Variants in ZNF462 observed in about 807,000 individuals in gnomAD.
ZNF462 encodes the protein zinc finger PBX1-interacting protein.
In ZNF462, 10 loss-of-function variants were observed where a neutral mutation model predicts 201.9. The ratio of observed to expected loss-of-function variants is 0.05; its 90% CI spans 0.03 to 0.08. The LOEUF (loss-of-function observed/expected upper bound fraction) is 0.08. Ranked by LOEUF, ZNF462 falls within the 10% of genes least tolerant of loss-of-function variation. The pLI is 1.00. For synonymous variants in ZNF462, 1,227 were observed against 1,193.3 expected (o/e 1.03, Z -0.58); for missense variants, 2,523 against 3,168.3 (o/e 0.80, Z 4.89).
rs769883617 is a variant in ZNF462 at position 106,935,558 on chromosome 9, C to T, written c.6172C>T (p.Leu2058Phe). The T allele has an allele frequency of 2.5e-6, 4 of 1,614,102 alleles. No homozygotes were observed. The African/African-American group carries it at 4.0e-5, about 16-fold the overall frequency. Residue 2058 changes from leucine (L) to phenylalanine (F), a missense_variant, in exon 6 of 13, where the codon CTC becomes TTC. Transcript: ENST00000277225. This position sits in a 1 kb window ranked among gnomAD's most constrained non-coding sequence, Gnocchi z 4.1. The part of the protein sequence containing the change: ...HGHHKPFRCK[L>F]CSFKSSYNSR... ...ACACCATAAACCATTCCGATGCAAA[C>T]TCTGCTCCTTCAAGTCCTCCTATAA...
chr9:106,943,617 T>C (rs868561052), intron 7 of ZNF462, among the ~76,000 whole-genome samples: 1 of 152,228 alleles, frequency 6.6e-6, no homozygotes, highest in Admixed American at 6.5e-5. Flanking sequence ...CCTTTAAGGA[T>C]TGATTTTCAC....
intron 1 of ZNF462, among the ~76,000 whole-genome samples, chr9:106,899,000 T>TA (rs1030018130): frequency 1.3e-4 from 20 of 152,134 alleles, no homozygotes; most frequent in African/African-American, 4.6e-4. Context: ...TTATGTTCCT[T>TA]ATCCAGATTA....
At position 106,952,207 on chromosome 9, in the gene ZNF462, A is replaced by G. The variant is rs1831382323; in HGVS notation, c.6427+13100A>G. ...CTGTCTAGCTCCCTATCACACATGCATGTCCTTAGTTAAAGCATTTACCCT... is the reference window on the plus strand; with the variant it reads ...CTGTCTAGCTCCCTATCACACATGCGTGTCCTTAGTTAAAGCATTTACCCT... On this transcript the variant is annotated intron_variant, in intron 7 of 12. Coordinates refer to ENST00000277225, the MANE Select transcript of ZNF462 (RefSeq NM_021224.6). 2.0e-5 allele frequency among the ~76,000 whole-genome samples: 3 copies of G among 152,102 alleles called. No homozygotes were observed. The South Asian group carries it at 6.2e-4, about 31-fold the overall frequency.
rs1032418953 is a variant in ZNF462, at chr9:107,008,084, A to C, written c.7190-1461A>C. ...AAGCTCAGGGAAGATTTGAAAGAGA[A>C]GAATCCAGGCATGAAGAAATCAAAA... On this transcript the variant is annotated intron_variant, in intron 11 of 12. Transcript: ENST00000277225. The surrounding 1 kb of genome is among the most constrained non-coding windows in gnomAD (Gnocchi z 4.8). Among the ~76,000 whole-genome samples, 6 of 152,226 alleles carry C rather than the reference A, an allele frequency of 3.9e-5. No homozygotes were observed. The highest frequency in any genetic ancestry group is 1.2e-4 in the African/African-American group (5 of 41,528).
intron 1 of ZNF462, among the ~76,000 whole-genome samples, chr9:106,903,304 T>G (rs959393975): frequency 2.6e-5 from 4 of 152,204 alleles, no homozygotes; most frequent in Admixed American, 6.5e-5. Flanking sequence ...TTAAAATAAT[T>G]TTAATTTTCT....
At chr9:106,994,697 GA>G (rs1828564313) in intron 10 of ZNF462, among the ~76,000 whole-genome samples, 1 of 152,132 alleles carries the variant, frequency 6.6e-6, no homozygotes, top group Admixed American at 6.6e-5. Flanking sequence ...AGAGAAACCA[GA>G]ATTAGATGAG....
chr9:106,961,253 G>C (rs1432058768), intron 7 of ZNF462, among the ~76,000 whole-genome samples: 1 of 152,082 alleles, frequency 6.6e-6, no homozygotes, highest in Non-Finnish European at 1.5e-5. Context: ...CATGTGTTTT[G>C]AGTTTTGGCT....
intron 6 of ZNF462, among the ~76,000 whole-genome samples, chr9:106,937,435 A>G (rs1830678535): frequency 6.6e-6 from 1 of 152,272 alleles, no homozygotes; most frequent in African/African-American, 2.4e-5. Flanking sequence ...CTTACTTTTA[A>G]TCCTTAGACC....
In ZNF462 at chr9:106,927,204, T is replaced by TA; in HGVS notation, c.3292_3293insA (p.Ser1098TyrfsTer15). ...GTCTCCCAAAATGTCCAACATGGGT[T>TA]CCCCACCCCCCCCACAACCCCCGCC... On this transcript the variant is annotated frameshift_variant, in exon 3 of 13. Coordinates refer to ENST00000277225, the MANE Select transcript of ZNF462 (RefSeq NM_021224.6). LOFTEE classifies it high-confidence loss of function. 1 of 1,570,640 alleles carries TA rather than the reference T, an allele frequency of 6.4e-7. No homozygotes were observed. Among genetic ancestry groups the TA allele is most frequent in the Non-Finnish European group, 8.7e-7 (1 of 1,149,988 alleles).
rs1830447996 is a variant in ZNF462 at position 106,932,075 on chromosome 9, T to A, written c.6013-371T>A. 6.6e-6 allele frequency among the ~76,000 whole-genome samples: 1 copy of A among 152,138 alleles called. No homozygotes were observed. Among genetic ancestry groups the A allele is most frequent in the Non-Finnish European group, 1.5e-5 (1 of 68,004 alleles). ...CCGGGTATGTTGTCCTAAAATCACC[T>A]CCACTGCATGAAGAATGGCAGTTGG... On this transcript the variant is annotated intron_variant, in intron 4 of 12. Coordinates refer to ENST00000277225, the MANE Select transcript of ZNF462 (RefSeq NM_021224.6). The surrounding 1 kb of genome is among the most constrained non-coding windows in gnomAD (Gnocchi z 6.8).
chr9:106,968,139 A>T lies in ZNF462; in HGVS notation c.6428-3866A>T, dbSNP rs1489105524. On this transcript the variant is annotated intron_variant, in intron 7 of 12. Coordinates refer to ENST00000277225, the MANE Select transcript of ZNF462 (RefSeq NM_021224.6). The surrounding 1 kb of genome is among the most constrained non-coding windows in gnomAD (Gnocchi z 4.0). Reference sequence around the variant, plus strand: ...ACCATTGAGAACAGATGCCTAAGACACAAGACTCAGACTTTATAATCAGAC... The same window carrying T: ...ACCATTGAGAACAGATGCCTAAGACTCAAGACTCAGACTTTATAATCAGAC... 6.6e-6 allele frequency among the ~76,000 whole-genome samples: 1 copy of T among 152,162 alleles called. No homozygotes were observed. The highest frequency in any genetic ancestry group is 1.5e-5 in the Non-Finnish European group (1 of 68,028).
At position 106,972,952 on chromosome 9, in the gene ZNF462, T is replaced by A. The variant is rs140532115; in HGVS notation, c.6695+680T>A. Among the ~76,000 whole-genome samples, 470 of 152,286 alleles carry A rather than the reference T, an allele frequency of 3.1e-3. 2 individuals carry two copies. The highest frequency in any genetic ancestry group is 0.011 in the African/African-American group (443 of 41,548). ...GCGTTTAGGTTAGTGGTTACAAGTG[T>A]AGAGTGTGGAGCCTGACTACCTGGG... On this transcript the variant is annotated intron_variant, in intron 8 of 12. Transcript: ENST00000277225. The surrounding 1 kb of genome is among the most constrained non-coding windows in gnomAD (Gnocchi z 4.8).
intron 7 of ZNF462, among the ~76,000 whole-genome samples, chr9:106,961,243 C>T (rs974774228): frequency 6.6e-6 from 1 of 152,030 alleles, no homozygotes; most frequent in African/African-American, 2.4e-5. Context: ...GTGCTGATAG[C>T]ATGTGTTTTG....
chr9:106,967,144 T>G (rs1832111358), intron 7 of ZNF462, among the ~76,000 whole-genome samples: 1 of 152,144 alleles, frequency 6.6e-6, no homozygotes, highest in Admixed American at 6.5e-5. Context: ...TTTTATTCCT[T>G]CAATCAGTGG....
rs920622333 is a variant in ZNF462 at position 106,920,114 on chromosome 9, TGAA to T, written c.-30-3234_-30-3232del. Among the ~76,000 whole-genome samples the T allele has an allele frequency of 6.6e-6, 1 of 152,050 alleles. No homozygotes were observed. Among genetic ancestry groups the T allele is most frequent in the Non-Finnish European group, 1.5e-5 (1 of 67,996 alleles). On this transcript the variant is annotated intron_variant, in intron 1 of 12. Transcript: ENST00000277225. The surrounding 1 kb of genome is among the most constrained non-coding windows in gnomAD (Gnocchi z 4.3). Reference sequence around the variant, plus strand: ...TAGGGTTGCTGCTCTTCGGGATTGATGAAGAAGATATGCAGAGCTTATTTCTCA... The same window carrying T: ...TAGGGTTGCTGCTCTTCGGGATTGATGAAGATATGCAGAGCTTATTTCTCA...
rs765999221 is a variant in ZNF462, at chr9:106,932,172, G to A, written c.6013-274G>A. On this transcript the variant is annotated intron_variant, in intron 4 of 12. Transcript: ENST00000277225. This position sits in a 1 kb window ranked among gnomAD's most constrained non-coding sequence, Gnocchi z 6.8. Reference sequence around the variant, plus strand: ...TTGACAAGAAGTGCTGTTGAGTTTGGGAGAATGTAGGGAGAAAAAGAAAGC... The same window carrying A: ...TTGACAAGAAGTGCTGTTGAGTTTGAGAGAATGTAGGGAGAAAAAGAAAGC... 2 of 1,504,960 alleles carry A rather than the reference G, an allele frequency of 1.3e-6. No individual in the cohort carries two copies. The highest frequency in any genetic ancestry group is 1.8e-6 in the Non-Finnish European group (2 of 1,129,388). 93.2% of individuals were successfully genotyped at this position (1,504,960 alleles called of 1,614,324 possible).
rs1332093086 is a variant in ZNF462, at chr9:106,925,817, G to C, written c.1905G>C (p.Gln635His). 2 of 1,614,058 alleles carry C rather than the reference G, an allele frequency of 1.2e-6. No homozygotes were observed. The highest frequency in any genetic ancestry group is 1.7e-6 in the Non-Finnish European group (2 of 1,180,042). Residue 635 changes from glutamine to histidine, a missense_variant, in exon 3 of 13, where the codon CAG (glutamine) becomes CAC (histidine). Gln to His is a conservative substitution (Grantham distance 24, BLOSUM62 0). Around this residue, in one of 15 missense-constraint regions of ZNF462, gnomAD observed 383 missense variants for 453.4 expected, o/e 0.84. Coordinates refer to ENST00000277225, the MANE Select transcript of ZNF462 (RefSeq NM_021224.6). This position sits in a 1 kb window ranked among gnomAD's most constrained non-coding sequence, Gnocchi z 7.9. ...ACAACTTGCCAAAATTCGAGGGGCA[G>C]CCCTCAAGCCTACCATTGGAAAATG... Reference protein sequence around the residue: ...FCDNLPKFEGQPSSLPLENET... With the variant: ...FCDNLPKFEGHPSSLPLENET...
rs752291867 is a variant in ZNF462 at position 106,929,084 on chromosome 9, G to A, written c.5172G>A (p.Ala1724=). ...ACCAGAAGCGCCACGACATTGATGC[G>A]TATTACACTCACTGCTTGGCAGCCT... ...AHYQKRHDID[A]YYTHCLAASR... The change falls in exon 3 of 13, where the codon GCG becomes GCA. Residue 1724 remains alanine (A), a synonymous_variant. Transcript: ENST00000277225. The surrounding 1 kb of genome is among the most constrained non-coding windows in gnomAD (Gnocchi z 8.7). 29 of 1,613,976 alleles carry A rather than the reference G, an allele frequency of 1.8e-5. 1 individual carries two copies. Among genetic ancestry groups the A allele is most frequent in the South Asian group, 8.8e-5 (8 of 91,082 alleles).
At chr9:106,912,408 A>G (rs1829589963) in intron 1 of ZNF462, among the ~76,000 whole-genome samples, 1 of 151,880 alleles carries the variant, frequency 6.6e-6, no homozygotes, top group South Asian at 2.1e-4. Context: ...CTGCAAAAAA[A>G]TGGATTTTGT....
Sources: gnomAD v4.1 joint callset for allele counts (sites outside exome capture counted in the v4.1 genomes callset) on GRCh38, gnomAD v4.1.1 for gene constraint, gnomAD v4.1.1 regional missense constraint, Gnocchi (gnomAD v3.1) non-coding constraint, MANE v1.5 for transcripts, NCBI Gene and HGNC (gene_info 2026-07-23, HGNC 2026-07-21) for gene names.